Variants in PRUNE2 observed in about 807,000 individuals in gnomAD.
The protein encoded by PRUNE2 is protein prune homolog 2.
PRUNE2 carries 164 observed loss-of-function variants against 252.0 expected under a neutral mutation model. That is an observed-to-expected ratio of 0.65 (90% CI 0.57 to 0.74). The LOEUF (loss-of-function observed/expected upper bound fraction) is 0.74, where lower values mean the gene tolerates loss of function less well. PRUNE2 is among the 30% of genes least tolerant of loss of function. PRUNE2 has a pLI of 0.00. For synonymous variants in PRUNE2, 1,292 were observed against 1,350.2 expected, an observed-to-expected ratio of 0.96 and a Z score of 0.94; for missense variants, 3,495 against 3,711.0, an observed-to-expected ratio of 0.94 and a Z score of 1.51.
intron 1 of PRUNE2, among the ~76,000 whole-genome samples, chr9:76,873,470 T>C (rs2133123948): frequency 6.6e-6 from 1 of 152,322 alleles, no homozygotes; most frequent in African/African-American, 2.4e-5. Flanking sequence ...TGGTCCCCTC[T>C]TCAATCTTTG....
chr9:76,880,145 C>T (rs779359318), intron 1 of PRUNE2, among the ~76,000 whole-genome samples: 1 of 151,774 alleles, frequency 6.6e-6, no homozygotes, highest in Non-Finnish European at 1.5e-5. Flanking sequence ...GATCTCCTGA[C>T]CTTGTGATCC....
At chr9:76,645,006 C>T (rs560263113) in intron 11 of PRUNE2, 97 bp from the exon 12 acceptor site, 28 of 1,101,036 alleles carry the variant, frequency 2.5e-5, no homozygotes, top group East Asian at 5.1e-5. Flanking sequence ...AGTACTCCTA[C>T]GGGCAGCCTT....
chr9:76,809,205 A>G (rs1344005877), intron 6 of PRUNE2, among the ~76,000 whole-genome samples: 2 of 152,198 alleles, frequency 1.3e-5, no homozygotes, highest in African/African-American at 4.8e-5. Context: ...TCGTATAGGT[A>G]GTGGCCCATT....
intron 12 of PRUNE2, chr9:76,644,420 A>G (rs1843901757): frequency 1.0e-5 from 4 of 396,806 alleles, no homozygotes; most frequent in South Asian, 8.3e-5. Context: ...CAACCGTACA[A>G]TGGACTGATA....
chr9:76,651,996 G>A (rs1370126310), intron 11 of PRUNE2: 1 of 152,408 alleles, frequency 6.6e-6, no homozygotes. Context: ...TTTGATTACA[G>A]AGGTCAAGGA....
At chr9:76,666,818 AC>A (rs2040286188) in intron 9 of PRUNE2, among the ~76,000 whole-genome samples, 1 of 152,046 alleles carries the variant, frequency 6.6e-6, no homozygotes, top group African/African-American at 2.4e-5. Context: ...AGAAAAACCC[AC>A]TGACCCTGTG....
chr9:76,809,917 C>T (rs976184007), intron 6 of PRUNE2, among the ~76,000 whole-genome samples: 4 of 152,202 alleles, frequency 2.6e-5, no homozygotes, highest in African/African-American at 9.7e-5. Context: ...AAGGACACAT[C>T]AACTGGTCAG....
chr9:76,840,334 C>A (rs2059312312), intron 4 of PRUNE2, among the ~76,000 whole-genome samples: 1 of 152,122 alleles, frequency 6.6e-6, no homozygotes, highest in Non-Finnish European at 1.5e-5. Flanking sequence ...ATACACAGGG[C>A]CTTCTCCAAG....
chr9:76,738,376 C>T (rs2049268452), intron 6 of PRUNE2: 1 of 152,138 alleles, frequency 6.6e-6, no homozygotes, highest in Non-Finnish European at 1.5e-5. Context: ...ATTAGCAGGG[C>T]ACCATACAAG....
intron 4 of PRUNE2, among the ~76,000 whole-genome samples, chr9:76,846,028 G>A (rs535794090): frequency 6.6e-6 from 1 of 152,340 alleles, no homozygotes; most frequent in Admixed American, 6.5e-5. Flanking sequence ...AGACAGGGGA[G>A]CAAAGGAGGT....
Position 76,733,802 on chromosome 9 carries a change from C to T in PRUNE2, c.757-20081G>A, listed in dbSNP as rs1391535269. 12 of 152,106 alleles carry T rather than the reference C, an allele frequency of 7.9e-5. No homozygotes were observed. The East Asian group carries it at 1.5e-3, about 20-fold the overall frequency. The allele number at this position is 152,106 out of a possible 1,614,324, so 9.4% of individuals were successfully genotyped here. A position where few individuals can be genotyped will look rare whatever the true frequency, so the allele number is the denominator to read the frequency against. On this transcript the variant is annotated intron_variant, in intron 6 of 18. Transcript: ENST00000376718. ...ATTAATTAATTTGCCCTAATCTTCACACAATTCACAGAACAGGAAAATATA... is the reference window on the plus strand; with the variant it reads ...ATTAATTAATTTGCCCTAATCTTCATACAATTCACAGAACAGGAAAATATA...
intron 3 of PRUNE2, among the ~76,000 whole-genome samples, chr9:76,848,295 A>C (rs1371560992): frequency 6.6e-6 from 1 of 152,180 alleles, no homozygotes; most frequent in Non-Finnish European, 1.5e-5. Flanking sequence ...TTAACATGTA[A>C]ATTTAGTCAA....
chr9:76,646,331 C>T (rs1844835686), intron 11 of PRUNE2, among the ~76,000 whole-genome samples: 1 of 152,194 alleles, frequency 6.6e-6, no homozygotes, highest in Admixed American at 6.5e-5. Flanking sequence ...CCATTATGTT[C>T]TGGAAGAATC....
chr9:76,710,736 G>A lies in PRUNE2; in HGVS notation c.1538C>T (p.Ala513Val), dbSNP rs1253483254. The change falls in exon 8 of 19, where the codon GCA becomes GTA. Residue 513 changes from alanine to valine, a missense_variant. Ala to Val is a moderately conservative substitution (Grantham distance 64). Transcript: ENST00000376718. ...SGQSQQSSHS[A>V]DYSPADDFFP... Reference sequence around the variant, plus strand: ...GAAGTCATCTGCTGGGGAGTAGTCTGCAGAATGAGAAGATTGCTGGGACTG... The same window carrying A: ...GAAGTCATCTGCTGGGGAGTAGTCTACAGAATGAGAAGATTGCTGGGACTG... 1.2e-6 allele frequency: 2 copies of A among 1,612,376 alleles called. No homozygotes were observed. Among genetic ancestry groups the A allele is most frequent in the African/African-American group, 1.3e-5 (1 of 75,036 alleles).
At position 76,720,578 on chromosome 9, in the gene PRUNE2, T is replaced by C. The variant is rs571256044; in HGVS notation, c.757-6857A>G. 2.8e-4 allele frequency among the ~76,000 whole-genome samples: 43 copies of C among 152,262 alleles called. No individual in the cohort carries two copies. In the South Asian group the frequency reaches 8.5e-3, roughly 30 times the overall value. The stretch of plus-strand genomic sequence containing the variant: ...CCTGACATATAGTAGACAATAAATA[T>C]TAAGCCTCTTTCCTTTCCTGTTTTT... On this transcript the variant is annotated intron_variant, in intron 6 of 18. Transcript: ENST00000376718.
In PRUNE2 at chr9:76,703,320, T is replaced by A. The variant is rs1041892874; in HGVS notation, c.8276+17A>T. On this transcript the variant is annotated intron_variant, in intron 9 of 18. Coordinates refer to ENST00000376718, the MANE Select transcript of PRUNE2 (RefSeq NM_015225.3). ...ATTGCTTTTCAGGAAAAAAAATAAA[T>A]CTAGCTTTTTGCTTACCCATTTGGT... 2.6e-6 allele frequency: 4 copies of A among 1,545,894 alleles called. No individual in the cohort carries two copies. Among genetic ancestry groups the A allele is most frequent in the Non-Finnish European group, 3.5e-6 (4 of 1,149,168 alleles).
intron 9 of PRUNE2, among the ~76,000 whole-genome samples, chr9:76,679,955 T>C (rs2043240056): frequency 6.6e-6 from 1 of 152,126 alleles, no homozygotes; most frequent in African/African-American, 2.4e-5. Context: ...GATTTGACAA[T>C]ATTCCTTGGA....
In PRUNE2 at chr9:76,783,100, C is replaced by T. The variant is rs567231447; in HGVS notation, c.756+40532G>A. On this transcript the variant is annotated intron_variant, in intron 6 of 18. Transcript: ENST00000376718. ...AAGGCACTGAACCACAAAGCAGACACTTGATTAACATCAGTTGTATCTGAC... is the reference window on the plus strand; with the variant it reads ...AAGGCACTGAACCACAAAGCAGACATTTGATTAACATCAGTTGTATCTGAC... Among the ~76,000 whole-genome samples, 42 of 152,152 alleles carry T rather than the reference C, an allele frequency of 2.8e-4. 1 individual carries two copies. The highest frequency in any genetic ancestry group is 9.2e-4 in the Admixed American group (14 of 15,268).
At chr9:76,615,365 C>T in intron 18 of PRUNE2, 7 of 360,342 alleles carry the variant, frequency 1.9e-5, no homozygotes, top group Non-Finnish European at 2.3e-5. Flanking sequence ...TTTTGCTTAT[C>T]TCTGCTCCCT....
Sources: allele counts gnomAD v4.1 joint callset (sites outside exome capture counted in the v4.1 genomes callset), GRCh38; gene constraint gnomAD v4.1.1; transcripts MANE v1.5; gene names NCBI Gene and HGNC (gene_info 2026-07-23, HGNC 2026-07-21).